The following TUSC3 variants were observed in gnomAD, a reference collection of about 807,000 sequenced individuals.
The protein encoded by TUSC3 is tumor suppressor candidate 3.
TUSC3 carries 45 observed loss-of-function variants against 44.8 expected under a neutral mutation model. The observed-to-expected ratio is 1.00, with a 90% CI of 0.79 to 1.29. TUSC3 has a LOEUF of 1.29. Ranked by LOEUF, TUSC3 falls within the 50% of genes most tolerant of loss-of-function variation. The pLI is 0.00. For synonymous variants in TUSC3, 212 were observed against 152.9 expected (o/e 1.39, Z -2.85); for missense variants, 519 against 437.9 (o/e 1.19, Z -1.65).
chr8:15,579,006 T>G (rs1377174817), intron 1 of TUSC3, among the ~76,000 whole-genome samples: 1 of 151,998 alleles, frequency 6.6e-6, no homozygotes, highest in Non-Finnish European at 1.5e-5. Context: ...CTGTTATTGG[T>G]CTATTCAGAG....
intron 1 of TUSC3, among the ~76,000 whole-genome samples, chr8:15,479,707 A>G (rs1303723189): frequency 6.6e-6 from 1 of 152,188 alleles, no homozygotes; most frequent in African/African-American, 2.4e-5. Context: ...ATTTGAAGTC[A>G]GACAGCATAA....
intron 6 of TUSC3, among the ~76,000 whole-genome samples, chr8:15,680,433 A>G (rs2129185373): frequency 6.6e-6 from 1 of 152,168 alleles, no homozygotes; most frequent in Admixed American, 6.6e-5. Context: ...AAATGCTACT[A>G]ATTTTCATAG....
chr8:15,810,846 C>A, the TUSC3 span, among the ~76,000 whole-genome samples: 8 of 152,014 alleles, frequency 5.3e-5, no homozygotes, highest in Non-Finnish European at 1.2e-4. Context: ...GAGAGTCTGA[C>A]GTAAAGATCC....
At chr8:15,510,276 A>G (rs1801115995) in intron 2 of TUSC3, among the ~76,000 whole-genome samples, 1 of 152,208 alleles carries the variant, frequency 6.6e-6, no homozygotes, top group Admixed American at 6.5e-5. Flanking sequence ...AAAAGAAAAA[A>G]GGGAAAAAGA....
chr8:15,758,785 G>A (rs966181039), intron 10 of TUSC3, among the ~76,000 whole-genome samples: 2 of 152,024 alleles, frequency 1.3e-5, no homozygotes, highest in Non-Finnish European at 2.9e-5. Context: ...CTTTACATAG[G>A]CCTCTCTGTG....
chr8:15,720,201 T>TACACACACACACAC (rs60082069), intron 6 of TUSC3, among the ~76,000 whole-genome samples: 3,778 of 141,214 alleles, frequency 0.027, 79 homozygotes, highest in Admixed American at 0.048. Context: ...TATATATATA[T>TACACACACACACAC]ACACACACAC....
At chr8:15,843,950 C>A in the TUSC3 span, among the ~76,000 whole-genome samples, 1 of 152,198 alleles carries the variant, frequency 6.6e-6, no homozygotes, top group African/African-American at 2.4e-5. Flanking sequence ...AACTCAGTCT[C>A]TTTGGTTTAT....
intron 2 of TUSC3, among the ~76,000 whole-genome samples, chr8:15,640,665 G>A (rs1806324486): frequency 6.6e-6 from 1 of 152,068 alleles, no homozygotes; most frequent in South Asian, 2.1e-4. Flanking sequence ...TTTTGTCGTG[G>A]AACTGGATAC....
intron 6 of TUSC3, among the ~76,000 whole-genome samples, chr8:15,695,319 C>T (rs1469910560): frequency 6.6e-6 from 1 of 152,170 alleles, no homozygotes. Context: ...CTTATGAGAT[C>T]TGATGGTTTT....
chr8:15,570,953 A>ATTTTTTTTTTTTTTTT (rs1491358652), intron 1 of TUSC3, among the ~76,000 whole-genome samples: 7 of 24,360 alleles, frequency 2.9e-4, no homozygotes, highest in Non-Finnish European at 8.4e-4. Flanking sequence ...ATTGCCTATT[A>ATTTTTTTTTTTTTTTT]GTTTTTTTTT....
intron 1 of TUSC3, among the ~76,000 whole-genome samples, chr8:15,482,335 C>T (rs916760809): frequency 6.6e-6 from 1 of 152,142 alleles, no homozygotes; most frequent in East Asian, 1.9e-4. Flanking sequence ...TTGTGATTTC[C>T]TTTCATGAAT....
the TUSC3 span, among the ~76,000 whole-genome samples, chr8:15,808,716 A>G: frequency 9.9e-4 from 150 of 152,106 alleles, no homozygotes; most frequent in African/African-American, 3.4e-3. Context: ...CATTTTTGAC[A>G]ATTTCTAAGC....
intron 2 of TUSC3, among the ~76,000 whole-genome samples, chr8:15,636,083 G>T (rs924881624): frequency 2.0e-5 from 3 of 152,164 alleles, no homozygotes; most frequent in Non-Finnish European, 4.4e-5. Context: ...AGTGGGTCTT[G>T]GTCAGGACTA....
the TUSC3 span, among the ~76,000 whole-genome samples, chr8:15,845,139 C>A: frequency 2.0e-5 from 3 of 152,032 alleles, no homozygotes; most frequent in East Asian, 3.9e-4. Context: ...AAGAAGAAAC[C>A]TCATCATTAA....
chr8:15,428,513 T>C (rs1799833658), intron 1 of TUSC3, among the ~76,000 whole-genome samples: 1 of 152,140 alleles, frequency 6.6e-6, no homozygotes, highest in Non-Finnish European at 1.5e-5. Flanking sequence ...TCAAATGGTA[T>C]TTCTAGTTCT....
chr8:15,610,282 G>A (rs1253159917), intron 1 of TUSC3, among the ~76,000 whole-genome samples: 1 of 152,034 alleles, frequency 6.6e-6, no homozygotes, highest in Non-Finnish European at 1.5e-5. Context: ...AAATATTTCA[G>A]TATACTGCAT....
At chr8:15,741,449 C>G (rs1585290207) in intron 7 of TUSC3, among the ~76,000 whole-genome samples, 1 of 152,152 alleles carries the variant, frequency 6.6e-6, no homozygotes, top group Non-Finnish European at 1.5e-5. Context: ...TGGCTCACAA[C>G]TGTAATCCCA....
At position 15,553,314 on chromosome 8, in the gene TUSC3, C is replaced by G. The variant is rs1292453308; in HGVS notation, c.138+12746C>G. ...AGCACTTACAGTAAAAAATAGAGGA[C>G]CTGTTGCAAACCCCTCAAAGATACC... On this transcript the variant is annotated intron_variant, in intron 1 of 10. Coordinates refer to ENST00000503731, the MANE Select transcript of TUSC3 (RefSeq NM_006765.4). Among the ~76,000 whole-genome samples the G allele has an allele frequency of 3.3e-5, 5 of 151,552 alleles. 1 individual carries two copies. In the East Asian group the frequency reaches 9.8e-4, roughly 30 times the overall value.
chr8:15,604,764 G>A (rs867477150), intron 1 of TUSC3, among the ~76,000 whole-genome samples: 1 of 151,628 alleles, frequency 6.6e-6, no homozygotes, highest in South Asian at 2.1e-4. Context: ...ATATGGTTAG[G>A]ACTGTGGTAT....
Sources: allele counts gnomAD v4.1 joint callset (sites outside exome capture counted in the v4.1 genomes callset), GRCh38; gene constraint gnomAD v4.1.1; transcripts MANE v1.5; gene names NCBI Gene and HGNC (gene_info 2026-07-23, HGNC 2026-07-21).